Variants in PRIM2 observed in about 807,000 individuals in gnomAD.
The protein encoded by PRIM2 is DNA primase subunit 2.
A neutral mutation model predicts 67.3 loss-of-function variants in PRIM2; 39 were observed. That is an observed-to-expected ratio of 0.58 (90% confidence interval 0.45 to 0.76). PRIM2 has a LOEUF of 0.76. Among genes scored for constraint, PRIM2 ranks in the 30% least tolerant of loss-of-function variants. PRIM2 has a pLI of 0.00. For synonymous variants in PRIM2, 143 were observed against 198.7 expected (o/e 0.72, Z 2.36); for missense variants, 398 against 598.7 (o/e 0.66, Z 3.50).
chr6:57,244,775 A>C, the PRIM2 span, among the ~76,000 whole-genome samples: 1 of 152,010 alleles, frequency 6.6e-6, no homozygotes, highest in Non-Finnish European at 1.5e-5. Context: ...TTCTGTTTTC[A>C]TGCCTGTGGG....
the PRIM2 span, among the ~76,000 whole-genome samples, chr6:57,241,672 C>T: frequency 6.9e-6 from 1 of 144,590 alleles, no homozygotes; most frequent in South Asian, 2.2e-4. Flanking sequence ...TAATACTAAA[C>T]TATGCAGAAC....
intron 8 of PRIM2, among the ~76,000 whole-genome samples, chr6:57,521,299 C>T (rs1273642982): frequency 6.6e-6 from 1 of 150,840 alleles, no homozygotes; most frequent in Non-Finnish European, 1.5e-5. Context: ...TTCCTACCCA[C>T]CCAACAAATC....
chr6:57,617,209 T>A (rs1776771313), intron 12 of PRIM2, among the ~76,000 whole-genome samples: 1 of 152,244 alleles, frequency 6.6e-6, no homozygotes, highest in South Asian at 2.1e-4. Flanking sequence ...ACTCTATCTT[T>A]ATTTTCACAT....
chr6:57,519,835 A>T lies in PRIM2; in HGVS notation c.761+12381A>T, dbSNP rs1289686335. On this transcript the variant is annotated intron_variant, in intron 8 of 13. Transcript: ENST00000615550. ...GATTGCAGTAAAGACAGGCGTAAGAAATTATAAAAGTATTAATTTGGGGAA... is the reference window on the plus strand; with the variant it reads ...GATTGCAGTAAAGACAGGCGTAAGATATTATAAAAGTATTAATTTGGGGAA... Among the ~76,000 whole-genome samples the T allele has an allele frequency of 1.3e-5, 2 of 152,324 alleles. 1 individual carries two copies.
the PRIM2 span, among the ~76,000 whole-genome samples, chr6:57,223,879 T>G: frequency 1.3e-5 from 2 of 152,150 alleles, no homozygotes; most frequent in Non-Finnish European, 2.9e-5. Context: ...CTGGTGGGAA[T>G]GTAAAATGGT....
chr6:57,345,474 A>ATATG (rs1554327210), intron 5 of PRIM2, among the ~76,000 whole-genome samples: 15 of 124,652 alleles, frequency 1.2e-4, no homozygotes, highest in African/African-American at 2.2e-4. Flanking sequence ...ATATATATAT[A>ATATG]TGTGTGTGTG....
chr6:57,273,915 A>AT, the PRIM2 span, among the ~76,000 whole-genome samples: 12 of 152,276 alleles, frequency 7.9e-5, no homozygotes, highest in South Asian at 4.2e-4. Flanking sequence ...TTGCCTGGGT[A>AT]TCAGCAGCGG....
chr6:57,411,059 G>A (rs1771073119), intron 7 of PRIM2, among the ~76,000 whole-genome samples: 1 of 151,876 alleles, frequency 6.6e-6, no homozygotes, highest in African/African-American at 2.4e-5. Context: ...GATCTCTCAT[G>A]GTTGGTGATG....
At chr6:57,399,186 C>T (rs1316748208) in intron 7 of PRIM2, among the ~76,000 whole-genome samples, 1 of 152,108 alleles carries the variant, frequency 6.6e-6, no homozygotes, top group Non-Finnish European at 1.5e-5. Context: ...GCTATCCCTC[C>T]TCCATCCCCT....
At chr6:57,512,724 A>C (rs1410036507) in intron 8 of PRIM2, among the ~76,000 whole-genome samples, 2 of 152,054 alleles carry the variant, frequency 1.3e-5, no homozygotes, top group Non-Finnish European at 2.9e-5. Context: ...CAGCTTCCTA[A>C]GTAGCTGGGA....
intron 7 of PRIM2, among the ~76,000 whole-genome samples, chr6:57,384,657 G>T (rs1434640649): frequency 1.3e-5 from 2 of 152,130 alleles, no homozygotes; most frequent in Non-Finnish European, 2.9e-5. Flanking sequence ...GGAGCTGAGA[G>T]TCAGTGTGTT....
At chr6:57,268,522 T>A in the PRIM2 span, among the ~76,000 whole-genome samples, 37 of 152,276 alleles carry the variant, frequency 2.4e-4, no homozygotes, top group African/African-American at 8.7e-4. Flanking sequence ...ACAATCAATA[T>A]TTTTTAATTG....
chr6:57,270,339 T>A, the PRIM2 span, among the ~76,000 whole-genome samples: 1 of 152,198 alleles, frequency 6.6e-6, no homozygotes, highest in African/African-American at 2.4e-5. Flanking sequence ...CTTGAAGAGG[T>A]CCTTCATGTC....
intron 5 of PRIM2, among the ~76,000 whole-genome samples, chr6:57,352,720 C>T (rs1006286208): frequency 7.8e-5 from 10 of 128,288 alleles, no homozygotes; most frequent in East Asian, 2.4e-4. Flanking sequence ...TATCTGGCAC[C>T]GTTTTTTAGT....
intron 7 of PRIM2, among the ~76,000 whole-genome samples, chr6:57,429,714 G>A (rs1771757135): frequency 6.6e-6 from 1 of 152,154 alleles, no homozygotes; most frequent in Non-Finnish European, 1.5e-5. Context: ...GTCCCATAAA[G>A]GAAATTGGGA....
intron 7 of PRIM2, among the ~76,000 whole-genome samples, chr6:57,413,688 C>T (rs1480105392): frequency 6.6e-5 from 10 of 151,944 alleles, no homozygotes; most frequent in East Asian, 1.9e-4. Context: ...GACTTAAGAA[C>T]GTAAGTAACT....
Position 57,570,720 on chromosome 6 carries a change from T to C in PRIM2, c.1021-30373T>C, listed in dbSNP as rs1472449963. On this transcript the variant is annotated intron_variant, in intron 10 of 13. Coordinates refer to ENST00000615550, the MANE Select transcript of PRIM2 (RefSeq NM_000947.5). Reference sequence around the variant, plus strand: ...TATTATTATGGTTAGAAAATAACTTTTATTTGCCAAACAGTAAATCACAAA... The same window carrying C: ...TATTATTATGGTTAGAAAATAACTTCTATTTGCCAAACAGTAAATCACAAA... Among the ~76,000 whole-genome samples, 8 of 152,260 alleles carry C rather than the reference T, an allele frequency of 5.3e-5. No homozygotes were observed. The East Asian group carries it at 1.4e-3, about 26-fold the overall frequency.
At chr6:57,308,126 T>C in the PRIM2 span, among the ~76,000 whole-genome samples, 1 of 139,006 alleles carries the variant, frequency 7.2e-6, no homozygotes, top group African/African-American at 2.9e-5. Context: ...TTCTTTTTCT[T>C]TTTTTCTCTC....
intron 1 of PRIM2, among the ~76,000 whole-genome samples, chr6:57,318,229 C>T (rs756825186): frequency 7.2e-5 from 11 of 152,170 alleles, no homozygotes; most frequent in Non-Finnish European, 1.5e-4. Flanking sequence ...CTCTCCCACC[C>T]CCATTACAAA....
Sources: allele counts gnomAD v4.1 joint callset (sites outside exome capture counted in the v4.1 genomes callset), GRCh38; gene constraint gnomAD v4.1.1; transcripts MANE v1.5; gene names NCBI Gene and HGNC (gene_info 2026-07-23, HGNC 2026-07-21).